DLG2: variants seen among roughly 807,000 people sequenced by gnomAD.
DLG2 encodes the protein discs large MAGUK scaffold protein 2, also known as disks large homolog 2.
DLG2 carries 45 observed loss-of-function variants against 132.5 expected under a neutral mutation model. The observed-to-expected ratio is 0.34, with a 90% CI of 0.27 to 0.44. DLG2 has a LOEUF of 0.44. DLG2 is among the 20% of genes least tolerant of loss of function. The probability of loss-of-function intolerance (pLI) is 1.00; values close to 1 mark genes in which losing one functional copy is unlikely to be tolerated. For synonymous variants in DLG2, 424 were observed against 419.6 expected (o/e 1.01, Z -0.13); for missense variants, 1,045 against 1,196.9 (o/e 0.87, Z 1.87).
chr11:84,945,817 A>G (rs1317881680), intron 6 of DLG2, among the ~76,000 whole-genome samples: 4 of 152,100 alleles, frequency 2.6e-5, no homozygotes, highest in African/African-American at 9.7e-5. Flanking sequence ...GATCTAGGTC[A>G]TGTGCATCCG....
chr11:85,607,354 T>C (rs1385188489), intron 2 of DLG2, among the ~76,000 whole-genome samples: 6 of 152,172 alleles, frequency 3.9e-5, no homozygotes, highest in Admixed American at 3.9e-4. Flanking sequence ...GAGGGGAAAG[T>C]CATTCAACTC....
At chr11:84,733,924 G>A (rs990193581) in intron 6 of DLG2, among the ~76,000 whole-genome samples, 3 of 152,044 alleles carry the variant, frequency 2.0e-5, no homozygotes, top group Non-Finnish European at 4.4e-5. Flanking sequence ...TTTTTGTCAG[G>A]TTTGTCAAAG....
rs373283803 is a variant in DLG2, at chr11:84,383,711, T to C, written c.520-132420A>G. The stretch of plus-strand genomic sequence containing the variant: ...CATACCCCCACAAGGAAATACATTC[T>C]GTTAACAATCCAAGTAAGCTGGAAT... On this transcript the variant is annotated intron_variant, in intron 7 of 27. Transcript: ENST00000376104. 2.0e-4 allele frequency among the ~76,000 whole-genome samples: 30 copies of C among 152,228 alleles called. No homozygotes were observed. In the East Asian group the frequency reaches 3.5e-3, roughly 18 times the overall value.
intron 18 of DLG2, among the ~76,000 whole-genome samples, chr11:83,776,514 T>A (rs1454907415): frequency 5.3e-5 from 8 of 152,202 alleles, no homozygotes; most frequent in Non-Finnish European, 2.9e-5. Context: ...TGGCCTACTT[T>A]CTATTCAGCA....
rs751746084 is a variant in DLG2 at position 85,191,149 on chromosome 11, C to CGT, written c.187-36499_187-36498insAC. 2.2e-3 allele frequency among the ~76,000 whole-genome samples: 281 copies of CGT among 126,862 alleles called. 1 individual carries two copies. Among genetic ancestry groups the CGT allele is most frequent in the Non-Finnish European group, 3.3e-3 (201 of 61,736 alleles). The allele number at this position is 126,862 out of a possible 152,430, so 83.2% of individuals were successfully genotyped here. On this transcript the variant is annotated intron_variant, in intron 4 of 27. Transcript: ENST00000376104. Reference sequence around the variant, plus strand: ...AATCATTTGTCTATATGCATGCGCGCGCGCGCACGCGCGCACACACACACA... The same window carrying CGT: ...AATCATTTGTCTATATGCATGCGCGCGTGCGCGCACGCGCGCACACACACACA...
chr11:84,972,111 T>C lies in DLG2; in HGVS notation c.357+139550A>G, dbSNP rs557482363. On this transcript the variant is annotated intron_variant, in intron 6 of 27. Coordinates refer to ENST00000376104, the MANE Select transcript of DLG2 (RefSeq NM_001142699.3). ...CACAACACACACACACTGTTTTAAA[T>C]TCTTATCACCCTCTAATCAATCATT... is the stretch of plus-strand genomic sequence containing the variant. Among the ~76,000 whole-genome samples the C allele has an allele frequency of 2.0e-5, 3 of 152,252 alleles. No homozygotes were observed. In the South Asian group the frequency reaches 6.2e-4, roughly 32 times the overall value.
At chr11:84,929,100 T>C (rs2047799252) in intron 6 of DLG2, among the ~76,000 whole-genome samples, 2 of 147,706 alleles carry the variant, frequency 1.4e-5, no homozygotes, top group Admixed American at 6.8e-5. Flanking sequence ...TGATTTTTGA[T>C]CCTTACATAA....
At chr11:84,277,055 C>T (rs760477036) in intron 7 of DLG2, among the ~76,000 whole-genome samples, 3 of 152,148 alleles carry the variant, frequency 2.0e-5, no homozygotes, top group African/African-American at 7.2e-5. Flanking sequence ...GGCCAATGGA[C>T]TTGTTGCGTT....
chr11:83,863,842 C>A (rs1385622372), intron 16 of DLG2, among the ~76,000 whole-genome samples: 2 of 151,972 alleles, frequency 1.3e-5, no homozygotes, highest in Non-Finnish European at 2.9e-5. Context: ...GGCTGCTATA[C>A]CAAGGAGAGA....
intron 18 of DLG2, among the ~76,000 whole-genome samples, chr11:83,729,348 T>C (rs999919285): frequency 6.6e-6 from 1 of 152,186 alleles, no homozygotes; most frequent in African/African-American, 2.4e-5. Flanking sequence ...TTGTGACAGT[T>C]ACTGAATGAA....
At chr11:83,913,729 A>G (rs1433078004) in intron 15 of DLG2, among the ~76,000 whole-genome samples, 3 of 152,060 alleles carry the variant, frequency 2.0e-5, no homozygotes, top group African/African-American at 7.2e-5. Context: ...GAGAGGGAGG[A>G]GGAGTTTCAA....
intron 14 of DLG2, among the ~76,000 whole-genome samples, chr11:83,956,075 G>T (rs1276641614): frequency 6.6e-6 from 1 of 152,036 alleles, no homozygotes; most frequent in Non-Finnish European, 1.5e-5. Flanking sequence ...TATTCCTCCA[G>T]CGAACCCTGA....
intron 11 of DLG2, among the ~76,000 whole-genome samples, chr11:84,040,047 G>A (rs1279210315): frequency 7.3e-5 from 11 of 151,626 alleles, no homozygotes; most frequent in African/African-American, 1.7e-4. Flanking sequence ...CATGTCCTTC[G>A]CCCACTTTTT....
intron 6 of DLG2, among the ~76,000 whole-genome samples, chr11:84,934,530 T>TG (rs1482099047): frequency 1.3e-4 from 18 of 133,842 alleles, no homozygotes; most frequent in Non-Finnish European, 2.5e-4. Flanking sequence ...GTTTTGTTTT[T>TG]TTTTTTTTTT....
In DLG2 at chr11:85,259,523, C is replaced by T. The variant is rs192853590; in HGVS notation, c.186+25697G>A. Among the ~76,000 whole-genome samples, 14 of 152,088 alleles carry T rather than the reference C, an allele frequency of 9.2e-5. No individual in the cohort carries two copies. In the East Asian group the frequency reaches 2.5e-3, roughly 27 times the overall value. The stretch of plus-strand genomic sequence containing the variant: ...TGTCAGCCATGGACAATCCAGCTGA[C>T]CCTCCCAAGTAACCTTCCTTGGTTT... On this transcript the variant is annotated intron_variant, in intron 4 of 27. Transcript: ENST00000376104.
Position 83,541,787 on chromosome 11 carries a change from T to TA in DLG2, c.2011_2012insT (p.Asp671ValfsTer10). ...AGAGGCATTGATAACGTGGAGAATA[T>TA]CTCCATATTTAAAACTAAGTCCTTG... On this transcript the variant is annotated frameshift_variant, in exon 20 of 28. Coordinates refer to ENST00000376104, the MANE Select transcript of DLG2 (RefSeq NM_001142699.3). LOFTEE classifies it high-confidence loss of function. The TA allele has an allele frequency of 6.2e-7, 1 of 1,613,336 alleles. No individual in the cohort carries two copies. The highest frequency in any genetic ancestry group is 8.5e-7 in the Non-Finnish European group (1 of 1,179,550).
chr11:84,379,280 C>T lies in DLG2; in HGVS notation c.520-127989G>A, dbSNP rs548305138. ...ACAATATGTTCTAATATGTTCAAGA[C>T]GTAAAGGAGAAAATGAAAGGCATAA... On this transcript the variant is annotated intron_variant, in intron 7 of 27. Transcript: ENST00000376104. Among the ~76,000 whole-genome samples the T allele has an allele frequency of 6.6e-5, 10 of 151,656 alleles. No individual in the cohort carries two copies. The East Asian group carries it at 1.5e-3, about 24-fold the overall frequency.
intron 18 of DLG2, among the ~76,000 whole-genome samples, chr11:83,663,609 G>T (rs957367558): frequency 2.0e-5 from 3 of 152,182 alleles, no homozygotes; most frequent in Non-Finnish European, 2.9e-5. Flanking sequence ...ATAAATGAAT[G>T]AAAGTTCACT....
At chr11:84,879,162 G>A (rs1002580221) in intron 6 of DLG2, among the ~76,000 whole-genome samples, 4 of 151,950 alleles carry the variant, frequency 2.6e-5, no homozygotes, top group African/African-American at 7.3e-5. Context: ...GGAGCTTCTC[G>A]GAGTCTCTGT....
Sources: gnomAD v4.1 joint callset for allele counts (sites outside exome capture counted in the v4.1 genomes callset) on GRCh38, gnomAD v4.1.1 for gene constraint, MANE v1.5 for transcripts, NCBI Gene and HGNC (gene_info 2026-07-23, HGNC 2026-07-21) for gene names.